Variants in CCDC88C observed in about 807,000 individuals in gnomAD.
CCDC88C encodes coiled-coil and HOOK domain protein 88C.
CCDC88C carries 131 observed loss-of-function variants against 198.8 expected under a neutral mutation model. The ratio of observed to expected loss-of-function variants is 0.66; its 90% confidence interval spans 0.57 to 0.76. The LOEUF is 0.76. Among genes scored for constraint, CCDC88C ranks in the 30% least tolerant of loss-of-function variants. The pLI, the probability that CCDC88C is intolerant of heterozygous loss-of-function variation, is 0.00. For synonymous variants in CCDC88C, 1,166 were observed against 1,114.7 expected, an observed-to-expected ratio of 1.05 and a Z score of -0.92; for missense variants, 2,553 against 2,631.6, an observed-to-expected ratio of 0.97 and a Z score of 0.65.
chr14:91,286,692 C>T lies in CCDC88C; in HGVS notation c.4441+2413G>A, dbSNP rs115857610. Among the ~76,000 whole-genome samples, 785 of 152,328 alleles carry T rather than the reference C, an allele frequency of 5.2e-3. 6 individuals carry two copies. The highest frequency in any genetic ancestry group is 0.018 in the African/African-American group (752 of 41,566). ...GACCAACTTATTCAAGGCTGGTGTC[C>T]TTGTGGCCAGTTCAGGGCTAGGCTC... On this transcript the variant is annotated intron_variant, in intron 25 of 29. Coordinates refer to ENST00000389857, the MANE Select transcript of CCDC88C (RefSeq NM_001080414.4).
intron 3 of CCDC88C, among the ~76,000 whole-genome samples, chr14:91,398,562 C>G (rs369268137): frequency 6.6e-6 from 1 of 152,178 alleles, no homozygotes; most frequent in Non-Finnish European, 1.5e-5. Flanking sequence ...TAGATTGAGG[C>G]TGGAGGATTG....
At position 91,272,510 on chromosome 14, in the gene CCDC88C, C is replaced by T. The variant is rs1889776672; in HGVS notation, c.*115G>A. The T allele has an allele frequency of 7.4e-6, 8 of 1,077,952 alleles. No homozygotes were observed. Among genetic ancestry groups the T allele is most frequent in the African/African-American group, 1.6e-5 (1 of 63,302 alleles). The allele number at this position is 1,077,952 out of a possible 1,614,324, so 66.8% of individuals were successfully genotyped here. On this transcript the variant is annotated 3_prime_UTR_variant, in exon 30 of 30. Transcript: ENST00000389857. ...AACAAACAGCAGAAATGCGTGGGAACCCCTTTCCTCATTCCAAACCCTCTC... is the reference window on the plus strand; with the variant it reads ...AACAAACAGCAGAAATGCGTGGGAATCCCTTTCCTCATTCCAAACCCTCTC...
Position 91,280,937 on chromosome 14 carries a change from C to CAGCA in CCDC88C, c.4699+519_4699+520insTGCT, listed in dbSNP as rs1255832714. On this transcript the variant is annotated intron_variant, in intron 27 of 29. Coordinates refer to ENST00000389857, the MANE Select transcript of CCDC88C (RefSeq NM_001080414.4). ...AGGGGTCTTTTTAGGATTATTTTCT[C>CAGCA]ACCCTTGTAGGGTTGCTTTTCAAAA... Among the ~76,000 whole-genome samples the CAGCA allele has an allele frequency of 7.3e-4, 111 of 152,184 alleles. 1 individual carries two copies. The highest frequency in any genetic ancestry group is 2.6e-4 in the Non-Finnish European group (18 of 68,030).
chr14:91,351,128 G>A (rs1374385565), intron 4 of CCDC88C, among the ~76,000 whole-genome samples: 3 of 152,200 alleles, frequency 2.0e-5, no homozygotes, highest in Non-Finnish European at 2.9e-5. Flanking sequence ...GGTTAGAACC[G>A]CAAAGAGAGC....
chr14:91,303,550 C>A, intron 20 of CCDC88C, 151 bp downstream of exon 20: 1 of 752,284 alleles, frequency 1.3e-6, no homozygotes, highest in Non-Finnish European at 2.1e-6. Flanking sequence ...CCAGGTCCCA[C>A]CCATCTCCTC....
At chr14:91,322,031 G>T (rs1354511150) in intron 12 of CCDC88C, among the ~76,000 whole-genome samples, 1 of 152,036 alleles carries the variant, frequency 6.6e-6, no homozygotes, top group East Asian at 1.9e-4. Flanking sequence ...GCAGGTGCAT[G>T]ATTTTAGGTA....
At chr14:91,402,811 T>C (rs114336883) in intron 3 of CCDC88C, among the ~76,000 whole-genome samples, 3,055 of 152,342 alleles carry the variant, frequency 0.02, 90 homozygotes, top group African/African-American at 0.058. Flanking sequence ...TGTACTGTTT[T>C]ATTTTTAATT....
intron 2 of CCDC88C, among the ~76,000 whole-genome samples, chr14:91,414,546 G>A (rs1038916850): frequency 1.3e-5 from 2 of 152,054 alleles, no homozygotes; most frequent in Non-Finnish European, 2.9e-5. Context: ...AGGTTCCCCC[G>A]GGTCCTTTCC....
intron 12 of CCDC88C, among the ~76,000 whole-genome samples, chr14:91,323,186 A>T (rs1283714827): frequency 2.0e-5 from 3 of 152,174 alleles, no homozygotes; most frequent in Non-Finnish European, 4.4e-5. Flanking sequence ...GAATACAGGC[A>T]TGAGCCACTT....
chr14:91,295,109 C>T (rs976353749), intron 22 of CCDC88C, among the ~76,000 whole-genome samples: 2 of 152,182 alleles, frequency 1.3e-5, no homozygotes, highest in Non-Finnish European at 2.9e-5. Flanking sequence ...CAGCAAAATG[C>T]CTGGTACACC....
chr14:91,416,416 AGGG>A (rs1396009462), intron 2 of CCDC88C, among the ~76,000 whole-genome samples: 1 of 152,200 alleles, frequency 6.6e-6, no homozygotes, highest in Non-Finnish European at 1.5e-5. Context: ...GCCCTCCAAA[AGGG>A]GACTTTTTCA....
chr14:91,286,128 T>A (rs1196999119), intron 25 of CCDC88C, among the ~76,000 whole-genome samples: 1 of 152,214 alleles, frequency 6.6e-6, no homozygotes, highest in African/African-American at 2.4e-5. Context: ...ATGGTCTGGA[T>A]GATTTTTCGG....
chr14:91,337,970 G>T, intron 10 of CCDC88C, 35 bp downstream of exon 10: 1 of 1,603,850 alleles, frequency 6.2e-7, no homozygotes, highest in Non-Finnish European at 8.5e-7. Flanking sequence ...ATTTCCAGCA[G>T]CCCCATCCAG....
intron 29 of CCDC88C, among the ~76,000 whole-genome samples, chr14:91,274,333 G>T (rs576932409): frequency 6.6e-6 from 1 of 152,332 alleles, no homozygotes; most frequent in East Asian, 1.9e-4. Flanking sequence ...CTGCTAAGCT[G>T]CCGCCCGGGC....
At chr14:91,320,870 G>C (rs1892326782) in intron 13 of CCDC88C, among the ~76,000 whole-genome samples, 1 of 152,168 alleles carries the variant, frequency 6.6e-6, no homozygotes, top group Non-Finnish European at 1.5e-5. Context: ...GCACAAGAAA[G>C]TCACATGTCC....
At chr14:91,302,299 T>C (rs1018000792) in intron 20 of CCDC88C, among the ~76,000 whole-genome samples, 5 of 152,214 alleles carry the variant, frequency 3.3e-5, no homozygotes, top group Non-Finnish European at 4.4e-5. Flanking sequence ...AGCAGGGCCA[T>C]TTCCCAGGCA....
chr14:91,385,843 C>T (rs1885099515), intron 3 of CCDC88C, among the ~76,000 whole-genome samples: 1 of 152,062 alleles, frequency 6.6e-6, no homozygotes, highest in Non-Finnish European at 1.5e-5. Flanking sequence ...CTGCTTTTGT[C>T]CTGGGTGGGG....
intron 10 of CCDC88C, among the ~76,000 whole-genome samples, chr14:91,335,454 C>T (rs527759447): frequency 3.3e-4 from 50 of 152,092 alleles, no homozygotes; most frequent in Non-Finnish European, 6.3e-4. Flanking sequence ...CAGGCCTTTG[C>T]TCCTGCCTCT....
At chr14:91,394,806 C>T (rs569432229) in intron 3 of CCDC88C, among the ~76,000 whole-genome samples, 3 of 152,328 alleles carry the variant, frequency 2.0e-5, no homozygotes, top group African/African-American at 7.2e-5. Flanking sequence ...TAGAGACAGG[C>T]ACACGTGCAC....
Sources: allele counts gnomAD v4.1 joint callset (sites outside exome capture counted in the v4.1 genomes callset), GRCh38; gene constraint gnomAD v4.1.1; transcripts MANE v1.5; gene names NCBI Gene and HGNC (gene_info 2026-07-23, HGNC 2026-07-21).